Variants in GAP43 observed in about 807,000 individuals in gnomAD.
The protein encoded by GAP43 is growth associated protein 43.
A neutral mutation model predicts 18.6 loss-of-function variants in GAP43; 6 were observed. That is an observed-to-expected ratio of 0.32 (90% CI 0.18 to 0.64). The LOEUF (loss-of-function observed/expected upper bound fraction) is 0.64. Among genes scored for constraint, GAP43 ranks in the 30% least tolerant of loss-of-function variants. The pLI is 0.78. For missense variants in GAP43, 292 were observed against 295.5 expected (o/e 0.99, Z 0.09); for synonymous variants, 115 against 111.4 (o/e 1.03, Z -0.20).
intron 1 of GAP43, among the ~76,000 whole-genome samples, chr3:115,646,199 G>A (rs575383269): frequency 6.6e-6 from 1 of 152,198 alleles, no homozygotes; most frequent in East Asian, 1.9e-4. Context: ...TCTGGCCTAG[G>A]CCACCAATCT....
chr3:115,640,539 G>A (rs1374579005), intron 1 of GAP43, among the ~76,000 whole-genome samples: 10 of 152,052 alleles, frequency 6.6e-5, no homozygotes, highest in Non-Finnish European at 1.5e-4. Flanking sequence ...TGACAGAGTG[G>A]AAAACCATTT....
intron 1 of GAP43, among the ~76,000 whole-genome samples, chr3:115,658,126 A>C (rs1480077704): frequency 2.6e-5 from 4 of 152,188 alleles, no homozygotes; most frequent in African/African-American, 7.2e-5. Context: ...TCTGAAGCCC[A>C]TCCTTAGACC....
intron 1 of GAP43, among the ~76,000 whole-genome samples, chr3:115,636,504 A>G (rs1708332574): frequency 1.3e-5 from 2 of 152,150 alleles, no homozygotes; most frequent in Non-Finnish European, 2.9e-5. Flanking sequence ...TTGTGCATCT[A>G]GATGGGTACC....
intron 1 of GAP43, among the ~76,000 whole-genome samples, chr3:115,654,276 A>G (rs1435835083): frequency 6.6e-6 from 1 of 152,250 alleles, no homozygotes. Flanking sequence ...TATAAACTTA[A>G]GCAAGTCACA....
intron 1 of GAP43, among the ~76,000 whole-genome samples, chr3:115,639,471 C>T (rs1314635724): frequency 1.3e-5 from 2 of 152,186 alleles, no homozygotes; most frequent in East Asian, 3.9e-4. Flanking sequence ...AAGCTTGTAT[C>T]TTCTGGTACT....
chr3:115,713,864 T>C (rs1188036888), intron 2 of GAP43, among the ~76,000 whole-genome samples: 1 of 152,246 alleles, frequency 6.6e-6, no homozygotes. Context: ...ATCAAGAATA[T>C]GGAAACTACT....
Position 115,676,582 on chromosome 3 carries a change from G to A in GAP43, c.600G>A (p.Gly200=). 1 of 1,608,142 alleles carries A rather than the reference G, an allele frequency of 6.2e-7. No homozygotes were observed. Among genetic ancestry groups the A allele is most frequent in the Non-Finnish European group, 8.5e-7 (1 of 1,178,600 alleles). Residue 200 remains glycine, a synonymous_variant, in exon 2 of 3, where the codon GGG becomes GGA. Coordinates refer to ENST00000305124, the MANE Select transcript of GAP43 (RefSeq NM_002045.4). ...CAGCCCAGCCTCCAACGGAGACTGG[G>A]GAGAGCAGCCAAGCTGAAGAGAACA... The part of the protein sequence containing the change: ...KATAQPPTET[G]ESSQAEENIE...
Position 115,708,332 on chromosome 3 carries a change from G to A in GAP43, c.629-12462G>A, listed in dbSNP as rs927233187. The stretch of plus-strand genomic sequence containing the variant: ...AGCTGGGTCATAGGAATTATAAGCA[G>A]TAAATCCAAATGAGTCAAACTTGAA... On this transcript the variant is annotated intron_variant, in intron 2 of 2. Coordinates refer to ENST00000305124, the MANE Select transcript of GAP43 (RefSeq NM_002045.4). Among the ~76,000 whole-genome samples, 3 of 152,182 alleles carry A rather than the reference G, an allele frequency of 2.0e-5. No homozygotes were observed. The East Asian group carries it at 5.8e-4, about 29-fold the overall frequency.
intron 2 of GAP43, among the ~76,000 whole-genome samples, chr3:115,698,000 T>TGTGTGTGTGC (rs2107363976): frequency 1.7e-5 from 2 of 114,802 alleles, no homozygotes; most frequent in African/African-American, 7.1e-5. Flanking sequence ...TGTGTGTGTG[T>TGTGTGTGTGC]GTGTGTGTGT....
At chr3:115,695,114 T>C (rs1310923603) in intron 2 of GAP43, among the ~76,000 whole-genome samples, 2 of 152,202 alleles carry the variant, frequency 1.3e-5, no homozygotes, top group Non-Finnish European at 1.5e-5. Flanking sequence ...CCACAGAAGT[T>C]CAATGTGATC....
intron 2 of GAP43, among the ~76,000 whole-genome samples, chr3:115,703,676 T>C (rs1225149927): frequency 6.6e-6 from 1 of 152,012 alleles, no homozygotes; most frequent in Non-Finnish European, 1.5e-5. Context: ...TCTTGGAAAA[T>C]GGCTTTATTG....
chr3:115,697,774 A>G (rs1709215628), intron 2 of GAP43, among the ~76,000 whole-genome samples: 1 of 151,976 alleles, frequency 6.6e-6, no homozygotes, highest in Admixed American at 6.6e-5. Flanking sequence ...AAAGTCATAG[A>G]AACTTTAATG....
chr3:115,672,728 A>C, intron 1 of GAP43, among the ~76,000 whole-genome samples: 21 of 50,310 alleles, frequency 4.2e-4, no homozygotes, highest in East Asian at 1.7e-3. Flanking sequence ...TCTCCTTCCC[A>C]CATCCCTCTC....
chr3:115,698,066 T>TTA (rs529616330), intron 2 of GAP43, among the ~76,000 whole-genome samples: 6 of 58,152 alleles, frequency 1.0e-4, no homozygotes, highest in East Asian at 4.7e-4. Context: ...AAAATATATA[T>TTA]TATATATAAT....
intron 2 of GAP43, among the ~76,000 whole-genome samples, chr3:115,677,190 C>T (rs1708903840): frequency 6.6e-6 from 1 of 152,102 alleles, no homozygotes; most frequent in South Asian, 2.1e-4. Flanking sequence ...TGGGTATGCT[C>T]AGAGAATGTT....
chr3:115,652,820 TA>T (rs1160982966), intron 1 of GAP43, among the ~76,000 whole-genome samples: 3 of 152,378 alleles, frequency 2.0e-5, no homozygotes, highest in Admixed American at 6.5e-5. Flanking sequence ...ATATGAAGTG[TA>T]ATTTTGGTTC....
intron 2 of GAP43, among the ~76,000 whole-genome samples, chr3:115,694,382 C>A (rs1709156739): frequency 6.6e-6 from 1 of 152,186 alleles, no homozygotes; most frequent in Non-Finnish European, 1.5e-5. Flanking sequence ...AATGTGAAGC[C>A]AACCTAATGC....
intron 1 of GAP43, among the ~76,000 whole-genome samples, chr3:115,638,510 A>G (rs76843163): frequency 7.4e-6 from 1 of 135,896 alleles, no homozygotes; most frequent in African/African-American, 2.6e-5. Context: ...AACACATCAC[A>G]CTTTTTTTTT....
intron 1 of GAP43, among the ~76,000 whole-genome samples, chr3:115,662,206 G>C (rs960577773): frequency 6.6e-6 from 1 of 152,110 alleles, no homozygotes; most frequent in African/African-American, 2.4e-5. Flanking sequence ...TTGGTAAAAG[G>C]AGAATCTTCG....
Sources: gnomAD v4.1 joint callset for allele counts (sites outside exome capture counted in the v4.1 genomes callset) on GRCh38, gnomAD v4.1.1 for gene constraint, MANE v1.5 for transcripts, NCBI Gene and HGNC (gene_info 2026-07-23, HGNC 2026-07-21) for gene names.